The following RCAN2 variants were observed in gnomAD, a reference collection of about 807,000 sequenced individuals.
RCAN2 encodes the protein calcipressin-2.
A neutral mutation model predicts 23.6 loss-of-function variants in RCAN2; 9 were observed. The observed-to-expected ratio is 0.38, with a 90% CI of 0.23 to 0.67. The LOEUF is 0.67. Ranked by LOEUF, RCAN2 falls within the 30% of genes least tolerant of loss-of-function variation. The pLI is 0.51. For missense variants in RCAN2, 273 were observed against 302.3 expected, an observed-to-expected ratio of 0.90 and a Z score of 0.72; for synonymous variants, 109 against 115.7, an observed-to-expected ratio of 0.94 and a Z score of 0.37.
intron 2 of RCAN2, among the ~76,000 whole-genome samples, chr6:46,254,317 G>A (rs1766833553): frequency 6.6e-6 from 1 of 152,150 alleles, no homozygotes; most frequent in South Asian, 2.1e-4. Flanking sequence ...AAGACAGGAG[G>A]TCTAGTGAGA....
intron 2 of RCAN2, among the ~76,000 whole-genome samples, chr6:46,395,234 G>T (rs1766053878): frequency 6.6e-6 from 1 of 152,184 alleles, no homozygotes; most frequent in Non-Finnish European, 1.5e-5. Context: ...CATCTGTGGT[G>T]TTTAAAGGCA....
At chr6:46,229,062 GA>G (rs1440263152) in intron 4 of RCAN2, among the ~76,000 whole-genome samples, 4 of 152,158 alleles carry the variant, frequency 2.6e-5, no homozygotes, top group Non-Finnish European at 5.9e-5. Flanking sequence ...ATTCTGGGTT[GA>G]AAATTCTTCT....
intron 2 of RCAN2, among the ~76,000 whole-genome samples, chr6:46,393,476 C>T (rs1185532586): frequency 6.6e-6 from 1 of 152,114 alleles, no homozygotes; most frequent in African/African-American, 2.4e-5. Context: ...GATCTTCTGT[C>T]CCAGGGGAAA....
chr6:46,443,446 T>G (rs1409033714), intron 2 of RCAN2, among the ~76,000 whole-genome samples: 27 of 152,112 alleles, frequency 1.8e-4, no homozygotes, highest in Admixed American at 1.8e-3. Flanking sequence ...TGTTACCTTT[T>G]AAAAATGTAT....
intron 2 of RCAN2, among the ~76,000 whole-genome samples, chr6:46,250,095 A>T (rs2150319173): frequency 6.6e-6 from 1 of 152,308 alleles, no homozygotes; most frequent in South Asian, 2.1e-4. Flanking sequence ...CTCTCTCAAG[A>T]CTTTAAGAGG....
intron 2 of RCAN2, among the ~76,000 whole-genome samples, chr6:46,302,023 T>C (rs1169221572): frequency 1.3e-5 from 2 of 152,054 alleles, no homozygotes; most frequent in African/African-American, 2.4e-5. Context: ...TGGATTATAG[T>C]ACAGCAAGTG....
chr6:46,232,790 CAAA>C (rs35457944), intron 4 of RCAN2, among the ~76,000 whole-genome samples: 3 of 89,212 alleles, frequency 3.4e-5, no homozygotes, highest in East Asian at 3.3e-4. Flanking sequence ...AAGACTGTCT[CAAA>C]AAAAAAAAAA....
At chr6:46,419,614 T>A (rs922388562) in intron 2 of RCAN2, among the ~76,000 whole-genome samples, 6 of 152,238 alleles carry the variant, frequency 3.9e-5, no homozygotes, top group African/African-American at 9.6e-5. Context: ...AATCTCAATT[T>A]AGTATTACTT....
chr6:46,298,071 A>C (rs1459669090), intron 2 of RCAN2, among the ~76,000 whole-genome samples: 2 of 152,160 alleles, frequency 1.3e-5, no homozygotes, highest in Non-Finnish European at 2.9e-5. Flanking sequence ...GGAGTCGTTA[A>C]TTTATGTAAA....
chr6:46,257,048 G>A (rs1766943297), intron 2 of RCAN2, among the ~76,000 whole-genome samples: 1 of 152,294 alleles, frequency 6.6e-6, no homozygotes, highest in African/African-American at 2.4e-5. Context: ...TATGCGGAGA[G>A]CACTGTCTTC....
chr6:46,332,313 A>AT (rs372523969), intron 2 of RCAN2, among the ~76,000 whole-genome samples: 7 of 151,702 alleles, frequency 4.6e-5, no homozygotes, highest in South Asian at 4.2e-4. Context: ...TTTTAATCTG[A>AT]TTTTTTTTAT....
rs1766108449 is a variant in RCAN2 at position 46,396,953 on chromosome 6, A to C, written c.225+59799T>G. On this transcript the variant is annotated intron_variant, in intron 2 of 4. Coordinates refer to ENST00000371374, the MANE Select transcript of RCAN2 (RefSeq NM_001251974.2). ...TGGTGAAACCCTGTCTCTACTAAAA[A>C]TACAAAAATTAGCTGGGTGTGGTGG... Among the ~76,000 whole-genome samples, 5 of 152,172 alleles carry C rather than the reference A, an allele frequency of 3.3e-5. No homozygotes were observed. In the South Asian group the frequency reaches 1.0e-3, roughly 32 times the overall value.
chr6:46,397,038 G>C (rs868506610), intron 2 of RCAN2, among the ~76,000 whole-genome samples: 1 of 147,934 alleles, frequency 6.8e-6, no homozygotes, highest in Non-Finnish European at 1.5e-5. Flanking sequence ...TTGAACCCAG[G>C]AGGTGGAGGT....
At chr6:46,330,622 C>A (rs543368480) in intron 2 of RCAN2, among the ~76,000 whole-genome samples, 1 of 152,190 alleles carries the variant, frequency 6.6e-6, no homozygotes, top group Non-Finnish European at 1.5e-5. Context: ...CTTTCTCCCC[C>A]TCTCCTTGAT....
chr6:46,229,718 C>T (rs1582006607), intron 4 of RCAN2, among the ~76,000 whole-genome samples: 1 of 152,150 alleles, frequency 6.6e-6, no homozygotes, highest in African/African-American at 2.4e-5. Context: ...GTTCGAACTT[C>T]CTCCTTTAGC....
chr6:46,358,817 C>T (rs1249620863), intron 2 of RCAN2, among the ~76,000 whole-genome samples: 1 of 152,148 alleles, frequency 6.6e-6, no homozygotes, highest in Non-Finnish European at 1.5e-5. Flanking sequence ...AATGCCCAGG[C>T]TACACCCTGG....
intron 1 of RCAN2, among the ~76,000 whole-genome samples, chr6:46,484,001 C>A (rs1009664627): frequency 1.3e-5 from 2 of 152,164 alleles, no homozygotes; most frequent in African/African-American, 2.4e-5. Flanking sequence ...TAAATAATTT[C>A]TTTCTTGATA....
chr6:46,479,219 T>C (rs1768792581), intron 1 of RCAN2, among the ~76,000 whole-genome samples: 1 of 152,232 alleles, frequency 6.6e-6, no homozygotes, highest in Non-Finnish European at 1.5e-5. Context: ...TTCAGTATGC[T>C]AGATTTTGAA....
At chr6:46,387,122 A>C (rs1765778576) in intron 2 of RCAN2, among the ~76,000 whole-genome samples, 1 of 152,210 alleles carries the variant, frequency 6.6e-6, no homozygotes, top group South Asian at 2.1e-4. Flanking sequence ...TAAAGACTTA[A>C]ATGTTAGACC....
Sources: allele counts gnomAD v4.1 joint callset (sites outside exome capture counted in the v4.1 genomes callset), GRCh38; gene constraint gnomAD v4.1.1; transcripts MANE v1.5; gene names NCBI Gene and HGNC (gene_info 2026-07-23, HGNC 2026-07-21).